NPAP1: variants seen among roughly 807,000 people sequenced by gnomAD.
NPAP1 encodes the protein nuclear pore-associated protein 1.
For missense variants in NPAP1, 1,483 were observed against 1,454.5 expected (o/e 1.02, Z -0.32); for synonymous variants, 616 against 581.4 (o/e 1.06, Z -0.86).
At position 24,675,872 on chromosome 15, in the gene NPAP1, G is replaced by T. The variant is rs867605026; in HGVS notation, c.5G>T (p.Gly2Val). The T allele has an allele frequency of 5.1e-6, 8 of 1,556,774 alleles. No individual in the cohort carries two copies. The highest frequency in any genetic ancestry group is 6.9e-6 in the Non-Finnish European group (8 of 1,155,574). ...AGGAGGCACGGCTAGCTCTAAATGGGCAATTTACTTAGTAAATTTAGACCC... is the reference window on the plus strand; with the variant it reads ...AGGAGGCACGGCTAGCTCTAAATGGTCAATTTACTTAGTAAATTTAGACCC... M[G>V]NLLSKFRPGC... Residue 2 changes from glycine (G) to valine (V), a missense_variant, in exon 1 of 1, where the codon GGC (glycine) becomes GTC (valine). Coordinates refer to ENST00000329468, the MANE Select transcript of NPAP1 (RefSeq NM_018958.3).
rs1053497119 is a variant in NPAP1 at position 24,679,256 on chromosome 15, A to T, written c.3389A>T (p.Glu1130Val). ...TGCATCCTGCAGCACACATGGACAGAGAGAAAATTCTACACTTCAAGCACC... is the reference window on the plus strand; with the variant it reads ...TGCATCCTGCAGCACACATGGACAGTGAGAAAATTCTACACTTCAAGCACC... Reference protein sequence around the residue: ...QQCILQHTWTERKFYTSSTHY... With the variant: ...QQCILQHTWTVRKFYTSSTHY... The change falls in exon 1 of 1, where the codon GAG becomes GTG. Residue 1130 changes from glutamate (E) to valine (V), a missense_variant. Transcript: ENST00000329468. The T allele has an allele frequency of 6.2e-7, 1 of 1,614,116 alleles. No individual in the cohort carries two copies. The highest frequency in any genetic ancestry group is 8.5e-7 in the Non-Finnish European group (1 of 1,180,026).
At position 24,676,283 on chromosome 15, in the gene NPAP1, A is replaced by G. The variant is rs779181944; in HGVS notation, c.416A>G (p.Lys139Arg). The change falls in exon 1 of 1, where the codon AAG (lysine) becomes AGG (arginine). Residue 139 changes from lysine (K) to arginine (R), a missense_variant. Coordinates refer to ENST00000329468, the MANE Select transcript of NPAP1 (RefSeq NM_018958.3). ...SPREPAVKAR[K>R]PIPATLLEET... is the part of the protein sequence containing the mutation. ...CGTGAGCCGGCGGTCAAGGCCAGGA[A>G]GCCCATCCCAGCCACTCTCCTGGAG... 39 of 1,519,234 alleles carry G rather than the reference A, an allele frequency of 2.6e-5. No homozygotes were observed. Among genetic ancestry groups the G allele is most frequent in the Middle Eastern group, 3.6e-4 (2 of 5,602 alleles). 94.1% of individuals were successfully genotyped at this position (1,519,234 alleles called of 1,614,324 possible). A position where few individuals can be genotyped will look rare whatever the true frequency, so the allele number is the denominator to read the frequency against.
rs66548326 is a variant in NPAP1 at position 24,680,608 on chromosome 15, T to TTG, written c.*1288_*1289dup. The stretch of plus-strand genomic sequence containing the variant: ...ACAGAGAGAGAGAGAGTGTGTGTGT[T>TTG]TGTGTGTGTGTGTGTGTGTTTATTG... On this transcript the variant is annotated 3_prime_UTR_variant, in exon 1 of 1. Transcript: ENST00000329468. The TTG allele has an allele frequency of 3.2e-3, 522 of 164,432 alleles. 2 individuals are homozygous for TTG. The highest frequency in any genetic ancestry group is 9.9e-3 in the African/African-American group (405 of 40,842). The allele number at this position is 164,432 out of a possible 1,614,324, so 10.2% of individuals were successfully genotyped here.
chr15:24,676,655 C>T lies in NPAP1; in HGVS notation c.788C>T (p.Pro263Leu), dbSNP rs1294464169. The change falls in exon 1 of 1, where the codon CCT (proline) becomes CTT (leucine). Residue 263 changes from proline (P) to leucine (L), a missense_variant. Coordinates refer to ENST00000329468, the MANE Select transcript of NPAP1 (RefSeq NM_018958.3). ...CCTGATCCGGATGCAACAGCGCCCC[C>T]TGAGCCAGCCGTTGGCTGCTCCCTG... ...GKPDPDATAPPEPAVGCSLLQ... is the reference protein window; with the variant it reads ...GKPDPDATAPLEPAVGCSLLQ... The T allele has an allele frequency of 6.2e-7, 1 of 1,613,984 alleles. No homozygotes were observed. The highest frequency in any genetic ancestry group is 2.2e-5 in the East Asian group (1 of 44,862).
In NPAP1 at chr15:24,679,048, C is replaced by G. The variant is rs369655208; in HGVS notation, c.3181C>G (p.Pro1061Ala). ...VFPFGQAAWD[P>A]TGHSMAAAPQ... ...CCCATTTGGTCAGGCAGCCTGGGAC[C>G]CAACTGGCCACAGCATGGCTGCTGC... The change falls in exon 1 of 1, where the codon CCA becomes GCA. Residue 1061 changes from proline (P) to alanine (A), a missense_variant. Pro to Ala is a conservative substitution (Grantham distance 27). Coordinates refer to ENST00000329468, the MANE Select transcript of NPAP1 (RefSeq NM_018958.3). The G allele has an allele frequency of 6.2e-7, 1 of 1,614,158 alleles. No homozygotes were observed.
rs2141314845 is a variant in NPAP1, at chr15:24,679,648, A to G, written c.*310A>G. ...TACCTAGGGCCCACCTGGACAAAAC[A>G]CAGATGGTACCTCTTCCAGGAGTGT... On this transcript the variant is annotated 3_prime_UTR_variant, in exon 1 of 1. Transcript: ENST00000329468. 2.9e-6 allele frequency: 1 copy of G among 349,778 alleles called. No individual in the cohort carries two copies. Among genetic ancestry groups the G allele is most frequent in the Admixed American group, 4.5e-5 (1 of 22,090 alleles). 21.7% of individuals were successfully genotyped at this position (349,778 alleles called of 1,614,324 possible).
chr15:24,676,285 C>T lies in NPAP1; in HGVS notation c.418C>T (p.Pro140Ser), dbSNP rs2141307681. 2 of 1,519,680 alleles carry T rather than the reference C, an allele frequency of 1.3e-6. No individual in the cohort carries two copies. Among genetic ancestry groups the T allele is most frequent in the South Asian group, 1.3e-5 (1 of 75,130 alleles). The allele number at this position is 1,519,680 out of a possible 1,614,324, so 94.1% of individuals were successfully genotyped here. A position where few individuals can be genotyped will look rare whatever the true frequency, so the allele number is the denominator to read the frequency against. Residue 140 changes from proline to serine, a missense_variant, in exon 1 of 1, where the codon CCC (proline) becomes TCC (serine). Pro to Ser is a moderately conservative substitution (Grantham distance 74, BLOSUM62 -1). Transcript: ENST00000329468. ...PREPAVKARKPIPATLLEETE... is the reference protein window; with the variant it reads ...PREPAVKARKSIPATLLEETE... ...TGAGCCGGCGGTCAAGGCCAGGAAG[C>T]CCATCCCAGCCACTCTCCTGGAGGA...
Position 24,679,249 on chromosome 15 carries a change from T to G in NPAP1, c.3382T>G (p.Trp1128Gly), listed in dbSNP as rs1449317432. ...AFQQCILQHT[W>G]TERKFYTSST... ...TCAACAGTGCATCCTGCAGCACACA[T>G]GGACAGAGAGAAAATTCTACACTTC... The change falls in exon 1 of 1, where the codon TGG (tryptophan) becomes GGG (glycine). Residue 1128 changes from tryptophan (W) to glycine (G), a missense_variant. Coordinates refer to ENST00000329468, the MANE Select transcript of NPAP1 (RefSeq NM_018958.3). The G allele has an allele frequency of 3.1e-6, 5 of 1,613,798 alleles. No homozygotes were observed. The highest frequency in any genetic ancestry group is 1.3e-5 in the African/African-American group (1 of 74,842).
rs1341410197 is a variant in NPAP1 at position 24,681,405 on chromosome 15, T to C, written c.*2067T>C. On this transcript the variant is annotated 3_prime_UTR_variant, in exon 1 of 1. Coordinates refer to ENST00000329468, the MANE Select transcript of NPAP1 (RefSeq NM_018958.3). ...GATAGATAGATAGATAGATAGATGATAACGTTATGGACTGAATGTTTGTGT... is the reference window on the plus strand; with the variant it reads ...GATAGATAGATAGATAGATAGATGACAACGTTATGGACTGAATGTTTGTGT... The C allele has an allele frequency of 6.3e-6, 1 of 159,864 alleles. No individual in the cohort carries two copies. Among genetic ancestry groups the C allele is most frequent in the Non-Finnish European group, 1.5e-5 (1 of 68,046 alleles). The allele number at this position is 159,864 out of a possible 1,614,324, so 9.9% of individuals were successfully genotyped here.
Position 24,678,457 on chromosome 15 carries a change from G to A in NPAP1, c.2590G>A (p.Asp864Asn), listed in dbSNP as rs2048993000. The change falls in exon 1 of 1, where the codon GAC becomes AAC. Residue 864 changes from aspartate to asparagine, a missense_variant. By Grantham distance (23) the Asp-to-Asn change is conservative (BLOSUM62 1). Transcript: ENST00000329468. ...LPGSGNTLHS[D>N]SIASAQVSTS... Reference sequence around the variant, plus strand: ...TGGTTCTGGGAACACACTACACAGTGACAGCATTGCCTCAGCCCAAGTCTC... The same window carrying A: ...TGGTTCTGGGAACACACTACACAGTAACAGCATTGCCTCAGCCCAAGTCTC... The A allele has an allele frequency of 1.2e-6, 2 of 1,614,144 alleles. No individual in the cohort carries two copies. The highest frequency in any genetic ancestry group is 1.7e-6 in the Non-Finnish European group (2 of 1,180,038).
rs2141310817 is a variant in NPAP1, at chr15:24,677,648, G to C, written c.1781G>C (p.Ser594Thr). 1 of 1,614,158 alleles carries C rather than the reference G, an allele frequency of 6.2e-7. No homozygotes were observed. Among genetic ancestry groups the C allele is most frequent in the Non-Finnish European group, 8.5e-7 (1 of 1,180,034 alleles). ...GTTGTTATTTTCACATCTTCCCTAA[G>C]CTCCAGAGTGAGCTCTCTCCCAAAT... ...SQVVIFTSSL[S>T]SRVSSLPNSQ... Residue 594 changes from serine (S) to threonine (T), a missense_variant, in exon 1 of 1, where the codon AGC becomes ACC. Coordinates refer to ENST00000329468, the MANE Select transcript of NPAP1 (RefSeq NM_018958.3).
rs1403761628 is a variant in NPAP1 at position 24,681,059 on chromosome 15, A to G, written c.*1721A>G. 39 of 167,246 alleles carry G rather than the reference A, an allele frequency of 2.3e-4. No individual in the cohort carries two copies. Among genetic ancestry groups the G allele is most frequent in the South Asian group, 2.1e-4 (1 of 4,830 alleles). 10.4% of individuals were successfully genotyped at this position (167,246 alleles called of 1,614,324 possible). A position where few individuals can be genotyped will look rare whatever the true frequency, so the allele number is the denominator to read the frequency against. ...TAGGAGTGGTCATTGCAGAGGCTCA[A>G]AGGAAGGATCCCTGGTGTCCTCATG... is the stretch of plus-strand genomic sequence containing the variant. On this transcript the variant is annotated 3_prime_UTR_variant, in exon 1 of 1. Coordinates refer to ENST00000329468, the MANE Select transcript of NPAP1 (RefSeq NM_018958.3).
rs757277275 is a variant in NPAP1 at position 24,678,762 on chromosome 15, G to C, written c.2895G>C (p.Glu965Asp). The change falls in exon 1 of 1, where the codon GAG becomes GAC. Residue 965 changes from glutamate (E) to aspartate (D), a missense_variant. Transcript: ENST00000329468. ...LGTPVNAEPVEGHNASAFPNG... is the reference protein window; with the variant it reads ...LGTPVNAEPVDGHNASAFPNG... Reference sequence around the variant, plus strand: ...CACCTGTTAATGCTGAGCCAGTCGAGGGTCACAATGCAAGTGCTTTCCCCA... The same window carrying C: ...CACCTGTTAATGCTGAGCCAGTCGACGGTCACAATGCAAGTGCTTTCCCCA... The C allele has an allele frequency of 1.9e-6, 3 of 1,614,194 alleles. No individual in the cohort carries two copies. The highest frequency in any genetic ancestry group is 2.5e-6 in the Non-Finnish European group (3 of 1,180,034).
Position 24,679,204 on chromosome 15 carries a change from G to T in NPAP1, c.3337G>T (p.Gly1113Cys). ...GGATGGCACCAGATCCATAGTTGGA[G>T]GCCCTTGTGTTCCTGCTTTTCAACA... ...GGDGTRSIVG[G>C]PCVPAFQQCI... The change falls in exon 1 of 1, where the codon GGC becomes TGC. Residue 1113 changes from glycine (G) to cysteine (C), a missense_variant. Gly to Cys is a radical substitution (Grantham distance 159). Coordinates refer to ENST00000329468, the MANE Select transcript of NPAP1 (RefSeq NM_018958.3). 6.2e-7 allele frequency: 1 copy of T among 1,614,208 alleles called. No homozygotes were observed. Among genetic ancestry groups the T allele is most frequent in the Non-Finnish European group, 8.5e-7 (1 of 1,180,034 alleles).
rs2141307628 is a variant in NPAP1, at chr15:24,676,261, G to A, written c.394G>A (p.Glu132Lys). 1.3e-6 allele frequency: 2 copies of A among 1,519,284 alleles called. No individual in the cohort carries two copies. The highest frequency in any genetic ancestry group is 1.8e-6 in the Non-Finnish European group (2 of 1,135,700). 94.1% of individuals were successfully genotyped at this position (1,519,284 alleles called of 1,614,324 possible). Residue 132 changes from glutamate to lysine, a missense_variant, in exon 1 of 1, where the codon GAG becomes AAG. Glu to Lys is a moderately conservative substitution (Grantham distance 56, BLOSUM62 1). Transcript: ENST00000329468. ...CACTCTCCTGCTGCCTTCACCACGT[G>A]AGCCGGCGGTCAAGGCCAGGAAGCC... ...MFTLLLPSPR[E>K]PAVKARKPIP...
In NPAP1 at chr15:24,677,835, G is replaced by A. The variant is rs141727813; in HGVS notation, c.1968G>A (p.Pro656=). 7.9e-4 allele frequency: 1,275 copies of A among 1,613,886 alleles called. 19 individuals are homozygous for A. In the South Asian group the frequency reaches 9.7e-3, roughly 12 times the overall value. Residue 656 remains proline, a synonymous_variant, in exon 1 of 1, where the codon CCG becomes CCA. Transcript: ENST00000329468. ...QPKFEAPDGQ[P]QKASLPSACV... is the part of the protein sequence containing the mutation. ...AATTTGAGGCTCCTGATGGGCAGCC[G>A]CAGAAAGCTTCTCTCCCCAGTGCCT...
rs1354247879 is a variant in NPAP1, at chr15:24,682,099, C to T, written c.*2761C>T. ...GCAAACACATGTAAAAATATGATAA[C>T]AGAGACTAAAACATTTATGAGATTA... On this transcript the variant is annotated 3_prime_UTR_variant, in exon 1 of 1. Coordinates refer to ENST00000329468, the MANE Select transcript of NPAP1 (RefSeq NM_018958.3). The T allele has an allele frequency of 6.0e-6, 1 of 166,962 alleles. No homozygotes were observed. Among genetic ancestry groups the T allele is most frequent in the African/African-American group, 2.4e-5 (1 of 41,422 alleles). 10.3% of individuals were successfully genotyped at this position (166,962 alleles called of 1,614,324 possible).
Position 24,678,201 on chromosome 15 carries a change from T to C in NPAP1, c.2334T>C (p.Asp778=). ...CTCAACCCAAATTTGGGGCCCCTGA[T>C]GGGCCGCAGCAGAAAACCTCTCTCC... ...ATPQPKFGAP[D]GPQQKTSLPS... Residue 778 remains aspartate, a synonymous_variant, in exon 1 of 1, where the codon GAT becomes GAC. Transcript: ENST00000329468. 6.2e-7 allele frequency: 1 copy of C among 1,613,564 alleles called. No individual in the cohort carries two copies. The highest frequency in any genetic ancestry group is 8.5e-7 in the Non-Finnish European group (1 of 1,179,936).
In NPAP1 at chr15:24,679,642, C is replaced by A. The variant is rs1053141439; in HGVS notation, c.*304C>A. 1 of 370,682 alleles carries A rather than the reference C, an allele frequency of 2.7e-6. No individual in the cohort carries two copies. Among genetic ancestry groups the A allele is most frequent in the African/African-American group, 2.1e-5 (1 of 48,332 alleles). 23.0% of individuals were successfully genotyped at this position (370,682 alleles called of 1,614,324 possible). On this transcript the variant is annotated 3_prime_UTR_variant, in exon 1 of 1. Coordinates refer to ENST00000329468, the MANE Select transcript of NPAP1 (RefSeq NM_018958.3). ...ACAAAGTACCTAGGGCCCACCTGGA[C>A]AAAACACAGATGGTACCTCTTCCAG... is the stretch of plus-strand genomic sequence containing the variant.
Sources: allele counts gnomAD v4.1 joint callset, GRCh38; gene constraint gnomAD v4.1.1; transcripts MANE v1.5; gene names NCBI Gene and HGNC (gene_info 2026-07-23, HGNC 2026-07-21).